MROH1: variants seen among roughly 807,000 people sequenced by gnomAD.
MROH1 encodes maestro heat-like repeat-containing protein family member 1.
A neutral mutation model predicts 116.5 loss-of-function variants in MROH1; 117 were observed. The ratio of observed to expected loss-of-function variants is 1.00; its 90% CI spans 0.86 to 1.17. MROH1 has a LOEUF of 1.17. MROH1 is among the 50% of genes most tolerant of loss of function. The pLI is 0.00. For synonymous variants in MROH1, 921 were observed against 583.9 expected (o/e 1.58, Z -8.32); for missense variants, 1,873 against 1,338.5 (o/e 1.40, Z -6.23).
chr8:144,187,092 T>A, intron 7 of MROH1, among the ~76,000 whole-genome samples: 1 of 132,192 alleles, frequency 7.6e-6, no homozygotes, highest in African/African-American at 3.1e-5. Context: ...AGTGAGACTG[T>A]CTCCAAAAAA....
rs1825855435 is a variant in MROH1 at position 144,182,090 on chromosome 8, G to GGA, written c.562+1569_562+1570dup. 6.6e-6 allele frequency among the ~76,000 whole-genome samples: 1 copy of GGA among 152,254 alleles called. No individual in the cohort carries two copies. The highest frequency in any genetic ancestry group is 2.4e-5 in the African/African-American group (1 of 41,472). On this transcript the variant is annotated intron_variant, in intron 7 of 43. Coordinates refer to ENST00000326134, the MANE Select transcript of MROH1 (RefSeq NM_032450.3). The surrounding 1 kb of genome is among the most constrained non-coding windows in gnomAD (Gnocchi z 4.1). ...AATGGAACGTTCCCTGTTTGCATCT[G>GGA]GAGGGGTTGGTGGTCCTGCTGGCTG...
At chr8:144,185,745 G>A (rs1826918066) in intron 7 of MROH1, among the ~76,000 whole-genome samples, 1 of 95,060 alleles carries the variant, frequency 1.1e-5, no homozygotes, top group Non-Finnish European at 2.0e-5. Flanking sequence ...GAGGGGCGGC[G>A]CGGGGACCTC....
intron 21 of MROH1, 101 bp from the exon 22 acceptor site, chr8:144,241,294 G>A: frequency 1.4e-6 from 1 of 703,188 alleles, no homozygotes. Flanking sequence ...GTGTGCGCAT[G>A]TGTGTACATG....
chr8:144,260,197 C>T lies in MROH1; in HGVS notation c.4203C>T (p.His1401=), dbSNP rs1047625835. Reference sequence around the variant, plus strand: ...TAAGGTATCCTCAGGTGCGAACCCACGGCCCCCAGCTCCTCACAGCCATGA... The same window carrying T: ...TAAGGTATCCTCAGGTGCGAACCCATGGCCCCCAGCTCCTCACAGCCATGA... ...ASGCPDKVRT[H]GPQLLTAMIG... Residue 1401 remains histidine, a synonymous_variant, in exon 39 of 44, where the codon CAC becomes CAT. Coordinates refer to ENST00000326134, the MANE Select transcript of MROH1 (RefSeq NM_032450.3). 36 of 765,050 alleles carry T rather than the reference C, an allele frequency of 4.7e-5. No homozygotes were observed. The highest frequency in any genetic ancestry group is 1.9e-4 in the East Asian group (8 of 41,238). 47.4% of individuals were successfully genotyped at this position (765,050 alleles called of 1,614,324 possible).
At position 144,191,778 on chromosome 8, in the gene MROH1, G is replaced by C. The variant is rs371029724; in HGVS notation, c.778G>C (p.Glu260Gln). 2.0e-5 allele frequency: 33 copies of C among 1,613,366 alleles called. No individual in the cohort carries two copies. The highest frequency in any genetic ancestry group is 2.8e-5 in the Non-Finnish European group (33 of 1,179,830). The change falls in exon 9 of 44, where the codon GAA (glutamate) becomes CAA (glutamine). Residue 260 changes from glutamate to glutamine, a missense_variant. Glu to Gln is a conservative substitution (Grantham distance 29). Transcript: ENST00000326134. The part of the protein sequence containing the change: ...MSHLLPSERL[E>Q]EQLPKLLPGI... The stretch of plus-strand genomic sequence containing the variant: ...CCATCTGCTGCCCAGTGAGAGGCTG[G>C]AAGAGCAGCTGCCCAAGCTCCTCCC...
chr8:144,162,849 A>G (rs1819898672), intron 2 of MROH1, among the ~76,000 whole-genome samples: 1 of 151,186 alleles, frequency 6.6e-6, no homozygotes, highest in Non-Finnish European at 1.5e-5. Context: ...CAGCTCCCTG[A>G]GTAGCTAGGA....
intron 33 of MROH1, 90 bp from the exon 34 acceptor site, chr8:144,254,723 C>CG (rs1843396160): frequency 1.5e-6 from 1 of 670,444 alleles, no homozygotes; most frequent in Non-Finnish European, 2.7e-6. Context: ...GTCTGAGCGT[C>CG]GTGGAGCCAG....
rs1416651294 is a variant in MROH1, at chr8:144,260,002, T to C, written c.4136T>C (p.Val1379Ala). Reference sequence around the variant, plus strand: ...CGCCAGAAGGACACATGCGCCAGCGTGCGGAGGCTGGTGCTCCGCGGCCTG... The same window carrying C: ...CGCCAGAAGGACACATGCGCCAGCGCGCGGAGGCTGGTGCTCCGCGGCCTG... Reference protein sequence around the residue: ...AARQKDTCASVRRLVLRGLAN... With the variant: ...AARQKDTCASARRLVLRGLAN... The change falls in exon 38 of 44, where the codon GTG becomes GCG. Residue 1379 changes from valine (V) to alanine (A), a missense_variant. Physicochemically the swap from Val to Ala is moderately conservative, Grantham distance 64. Transcript: ENST00000326134. The C allele has an allele frequency of 1.4e-6, 1 of 731,894 alleles. No homozygotes were observed. The allele number at this position is 731,894 out of a possible 1,614,324, so 45.3% of individuals were successfully genotyped here. A position where few individuals can be genotyped will look rare whatever the true frequency, so the allele number is the denominator to read the frequency against.
chr8:144,206,766 C>A (rs943419137), intron 12 of MROH1, among the ~76,000 whole-genome samples: 36 of 151,234 alleles, frequency 2.4e-4, no homozygotes, highest in Non-Finnish European at 4.3e-4. Context: ...GACACGGTGG[C>A]TCACGCCTGT....
At chr8:144,216,827 T>C (rs1835366904) in intron 12 of MROH1, among the ~76,000 whole-genome samples, 1 of 152,002 alleles carries the variant, frequency 6.6e-6, no homozygotes, top group Admixed American at 6.6e-5. Flanking sequence ...GTAGCTGGGA[T>C]TACAGGCACC....
Position 144,163,908 on chromosome 8 carries a change from AG to A in MROH1, c.22+63del. ...AGGCCTCTCTTGCCTCTGGGTGGTC[AG>A]GGCAGGCCAAGGCTCTTACCAGCTC... On this transcript the variant is annotated intron_variant, in intron 3 of 43. Transcript: ENST00000326134. This position sits in a 1 kb window ranked among gnomAD's most constrained non-coding sequence, Gnocchi z 4.4. 24 of 1,590,128 alleles carry A rather than the reference AG, an allele frequency of 1.5e-5. No individual in the cohort carries two copies. Among genetic ancestry groups the A allele is most frequent in the Non-Finnish European group, 2.1e-5 (24 of 1,160,362 alleles).
intron 12 of MROH1, among the ~76,000 whole-genome samples, chr8:144,209,504 A>G (rs940241026): frequency 6.6e-5 from 10 of 150,922 alleles, no homozygotes; most frequent in Non-Finnish European, 1.5e-4. Flanking sequence ...GTGTGAACCC[A>G]GGAGGCAGAG....
intron 12 of MROH1, among the ~76,000 whole-genome samples, chr8:144,210,778 CTT>C (rs1178124510): frequency 2.0e-5 from 3 of 151,860 alleles, no homozygotes; most frequent in Non-Finnish European, 1.5e-5. Context: ...AGATTTAAGT[CTT>C]TTTTTGGAGG....
chr8:144,241,526 G>T lies in MROH1; in HGVS notation c.2178+9G>T. On this transcript the variant is annotated intron_variant, in intron 22 of 43. Transcript: ENST00000326134. ...TTCTCAACATTTTTAAGGTTAGGGTGACACCGGTGCAGGGCTGGGGACGGC... is the reference window on the plus strand; with the variant it reads ...TTCTCAACATTTTTAAGGTTAGGGTTACACCGGTGCAGGGCTGGGGACGGC... 1 of 778,286 alleles carries T rather than the reference G, an allele frequency of 1.3e-6. No homozygotes were observed. The highest frequency in any genetic ancestry group is 1.3e-5 in the South Asian group (1 of 74,446). 48.2% of individuals were successfully genotyped at this position (778,286 alleles called of 1,614,324 possible). A position where few individuals can be genotyped will look rare whatever the true frequency, so the allele number is the denominator to read the frequency against.
At position 144,208,142 on chromosome 8, in the gene MROH1, C is replaced by T. The variant is rs1833269017; in HGVS notation, c.1141+7601C>T. On this transcript the variant is annotated intron_variant, in intron 12 of 43. Transcript: ENST00000326134. ...TATTTTTAGTAGAGACAGGATTTTG[C>T]CATGTTGATCAGGCTGGTCTCAAAC... Among the ~76,000 whole-genome samples, 5 of 152,042 alleles carry T rather than the reference C, an allele frequency of 3.3e-5. No individual in the cohort carries two copies. The South Asian group carries it at 1.0e-3, about 32-fold the overall frequency.
chr8:144,223,156 T>C lies in MROH1; in HGVS notation c.1264T>C (p.Tyr422His). 1 of 1,613,000 alleles carries C rather than the reference T, an allele frequency of 6.2e-7. No individual in the cohort carries two copies. ...GATTAGCGCCATGGCCCACCACGGCTACCTGGAGCAGCCTGGAGGTGAGGC... is the reference window on the plus strand; with the variant it reads ...GATTAGCGCCATGGCCCACCACGGCCACCTGGAGCAGCCTGGAGGTGAGGC... ...QVISAMAHHGYLEQPGGEAMI... is the reference protein window; with the variant it reads ...QVISAMAHHGHLEQPGGEAMI... Residue 422 changes from tyrosine to histidine, a missense_variant, in exon 14 of 44, where the codon TAC (tyrosine) becomes CAC (histidine). Physicochemically the swap from Tyr to His is moderately conservative, Grantham distance 83. Transcript: ENST00000326134.
rs552144370 is a variant in MROH1 at position 144,189,708 on chromosome 8, G to A, written c.563-1076G>A. On this transcript the variant is annotated intron_variant, in intron 7 of 43. Coordinates refer to ENST00000326134, the MANE Select transcript of MROH1 (RefSeq NM_032450.3). Reference sequence around the variant, plus strand: ...GACCCTGGCATCCTGGTGCCCCTCCGCCCTGCCATTGTTCTCCCTGTGGCT... The same window carrying A: ...GACCCTGGCATCCTGGTGCCCCTCCACCCTGCCATTGTTCTCCCTGTGGCT... 3.6e-3 allele frequency among the ~76,000 whole-genome samples: 555 copies of A among 152,310 alleles called. 2 individuals carry two copies. Among genetic ancestry groups the A allele is most frequent in the Non-Finnish European group, 5.8e-3 (394 of 68,024 alleles).
At chr8:144,236,039 GTTCTGTCCC>G (rs1334794887) in intron 14 of MROH1, among the ~76,000 whole-genome samples, 1 of 152,222 alleles carries the variant, frequency 6.6e-6, no homozygotes, top group Non-Finnish European at 1.5e-5. Context: ...GGTCATCCCA[GTTCTGTCCC>G]TTTAGCTGCT....
chr8:144,151,697 C>G (rs1452168940), intron 1 of MROH1, among the ~76,000 whole-genome samples: 1 of 152,356 alleles, frequency 6.6e-6, no homozygotes, highest in African/African-American at 2.4e-5. Context: ...TGCCTATAGA[C>G]GGCAAACTAA....
Sources: allele counts gnomAD v4.1 joint callset (sites outside exome capture counted in the v4.1 genomes callset), GRCh38; gene constraint gnomAD v4.1.1; non-coding constraint Gnocchi (gnomAD v3.1); transcripts MANE v1.5; gene names NCBI Gene and HGNC (gene_info 2026-07-23, HGNC 2026-07-21).